Variants in ANKIB1 observed in about 807,000 individuals in gnomAD.
ANKIB1 encodes the protein ankyrin repeat and IBR domain containing 1, also known as ankyrin repeat and IBR domain-containing protein 1.
ANKIB1 carries 43 observed loss-of-function variants against 122.1 expected under a neutral mutation model. That is an observed-to-expected ratio of 0.35 (90% CI 0.28 to 0.45). ANKIB1 has a LOEUF of 0.45. Ranked by LOEUF, ANKIB1 falls within the 20% of genes least tolerant of loss-of-function variation. The pLI, the probability that ANKIB1 is intolerant of heterozygous loss-of-function variation, is 1.00. For missense variants in ANKIB1, 992 were observed against 1,329.5 expected (o/e 0.75, Z 3.95); for synonymous variants, 390 against 442.0 (o/e 0.88, Z 1.48).
intron 1 of ANKIB1, among the ~76,000 whole-genome samples, chr7:92,279,112 G>C (rs752481493): frequency 1.3e-5 from 2 of 152,222 alleles, no homozygotes; most frequent in African/African-American, 2.4e-5. Flanking sequence ...TGTGTGTGCA[G>C]TTCACAATAG....
At chr7:92,369,284 G>A (rs1311921151) in intron 10 of ANKIB1, among the ~76,000 whole-genome samples, 1 of 152,212 alleles carries the variant, frequency 6.6e-6, no homozygotes, top group East Asian at 1.9e-4. Flanking sequence ...CAGAACTGGA[G>A]TAAAGTCTGA....
At chr7:92,319,827 C>T (rs775594031) in intron 4 of ANKIB1, 42 of 227,804 alleles carry the variant, frequency 1.8e-4, no homozygotes, top group Admixed American at 2.9e-4. Context: ...CCTAACTACT[C>T]AGGAGGCTGA....
At chr7:92,348,649 G>A (rs186417806) in intron 7 of ANKIB1, among the ~76,000 whole-genome samples, 22 of 152,270 alleles carry the variant, frequency 1.4e-4, no homozygotes, top group East Asian at 1.2e-3. Context: ...CTCCCAAAGC[G>A]CTAGGATTAT....
At chr7:92,366,955 G>A (rs1393701421) in intron 10 of ANKIB1, among the ~76,000 whole-genome samples, 1 of 152,116 alleles carries the variant, frequency 6.6e-6, no homozygotes, top group Non-Finnish European at 1.5e-5. Context: ...ATTTTGCTAG[G>A]GAAGGGGAAG....
chr7:92,275,731 C>T (rs1801888804), intron 1 of ANKIB1, among the ~76,000 whole-genome samples: 1 of 152,148 alleles, frequency 6.6e-6, no homozygotes, highest in African/African-American at 2.4e-5. Flanking sequence ...TTCTTTCCTC[C>T]ACTTAGCCTA....
At chr7:92,358,982 C>G (rs1003579785) in intron 9 of ANKIB1, among the ~76,000 whole-genome samples, 2 of 152,104 alleles carry the variant, frequency 1.3e-5, no homozygotes, top group Non-Finnish European at 2.9e-5. Flanking sequence ...CTAGCATGTG[C>G]GCCAAATTAA....
intron 1 of ANKIB1, among the ~76,000 whole-genome samples, chr7:92,248,221 A>G (rs1222153138): frequency 2.0e-5 from 3 of 152,056 alleles, no homozygotes; most frequent in African/African-American, 7.2e-5. Flanking sequence ...TTCCTATTTC[A>G]CTGTTCCCTT....
intron 1 of ANKIB1, among the ~76,000 whole-genome samples, chr7:92,258,420 C>T (rs1255436105): frequency 6.6e-6 from 1 of 152,134 alleles, no homozygotes; most frequent in African/African-American, 2.4e-5. Flanking sequence ...ATTGCTGGGC[C>T]TCACCCCCCC....
At chr7:92,351,124 T>A in intron 8 of ANKIB1, 30 bp downstream of exon 8, 1 of 1,428,126 alleles carries the variant, frequency 7.0e-7, no homozygotes, top group Non-Finnish European at 9.2e-7. Context: ...ATCTGTCCAA[T>A]TTCCATAATT....
At chr7:92,324,910 A>G (rs1217966591) in intron 4 of ANKIB1, among the ~76,000 whole-genome samples, 2 of 152,192 alleles carry the variant, frequency 1.3e-5, no homozygotes, top group African/African-American at 2.4e-5. Flanking sequence ...AAGTGACTAC[A>G]CTCTAGGTGT....
At chr7:92,259,847 C>T (rs11977622) in intron 1 of ANKIB1, among the ~76,000 whole-genome samples, 2 of 152,040 alleles carry the variant, frequency 1.3e-5, no homozygotes, top group African/African-American at 4.8e-5. Flanking sequence ...TTTTTGTCTT[C>T]TCTCTCACTT....
In ANKIB1 at chr7:92,250,284, T is replaced by C. The variant is rs368848263; in HGVS notation, c.-91+3765T>C. On this transcript the variant is annotated intron_variant, in intron 1 of 19. Coordinates refer to ENST00000265742, the MANE Select transcript of ANKIB1 (RefSeq NM_019004.2). ...GGCACATGCCTGTAATCCCAGCTACTCGGGAGGCTGAGGCAGGAGAATCGC... is the reference window on the plus strand; with the variant it reads ...GGCACATGCCTGTAATCCCAGCTACCCGGGAGGCTGAGGCAGGAGAATCGC... Among the ~76,000 whole-genome samples, 4 of 152,136 alleles carry C rather than the reference T, an allele frequency of 2.6e-5. 1 individual carries two copies.
chr7:92,341,234 C>T lies in ANKIB1; in HGVS notation c.788-1790C>T, dbSNP rs941321836. Among the ~76,000 whole-genome samples the T allele has an allele frequency of 7.9e-5, 12 of 151,158 alleles. No homozygotes were observed. The East Asian group carries it at 2.0e-3, about 25-fold the overall frequency. ...CTGAGGCACGAGAATCTCTTGAACC[C>T]AGGAGGCAGAGGCTGCAGTGAGCCA... On this transcript the variant is annotated intron_variant, in intron 5 of 19. Transcript: ENST00000265742.
intron 1 of ANKIB1, among the ~76,000 whole-genome samples, chr7:92,257,067 G>GT (rs1445603301): frequency 6.6e-6 from 1 of 152,036 alleles, no homozygotes. Flanking sequence ...GTGCGTGCCT[G>GT]TAATTCTAAC....
At chr7:92,284,498 A>G (rs1446319968) in intron 1 of ANKIB1, among the ~76,000 whole-genome samples, 1 of 152,168 alleles carries the variant, frequency 6.6e-6, no homozygotes, top group East Asian at 1.9e-4. Flanking sequence ...TTTGTTTCCT[A>G]AATCTTTATG....
intron 4 of ANKIB1, among the ~76,000 whole-genome samples, chr7:92,320,672 G>A (rs1328284233): frequency 6.6e-6 from 1 of 152,028 alleles, no homozygotes; most frequent in Non-Finnish European, 1.5e-5. Flanking sequence ...TTCCTAACCT[G>A]TACTCCTACC....
chr7:92,311,305 A>C lies in ANKIB1; in HGVS notation c.486+3649A>C, dbSNP rs181498964. Reference sequence around the variant, plus strand: ...TGATCCTCAGAGTAACTATCCATGGAACCTTGCATGTGTCACTCAGCCACT... The same window carrying C: ...TGATCCTCAGAGTAACTATCCATGGCACCTTGCATGTGTCACTCAGCCACT... On this transcript the variant is annotated intron_variant, in intron 3 of 19. Coordinates refer to ENST00000265742, the MANE Select transcript of ANKIB1 (RefSeq NM_019004.2). 3.0e-3 allele frequency among the ~76,000 whole-genome samples: 457 copies of C among 152,230 alleles called. 1 individual carries two copies. Among genetic ancestry groups the C allele is most frequent in the African/African-American group, 0.01 (433 of 41,548 alleles).
intron 5 of ANKIB1, among the ~76,000 whole-genome samples, chr7:92,333,529 T>C (rs1803222487): frequency 6.6e-6 from 1 of 152,192 alleles, no homozygotes; most frequent in African/African-American, 2.4e-5. Context: ...CTGACCTCCC[T>C]GACTCCGGTT....
At chr7:92,262,582 C>G (rs1661738678) in intron 1 of ANKIB1, among the ~76,000 whole-genome samples, 1 of 152,090 alleles carries the variant, frequency 6.6e-6, no homozygotes, top group African/African-American at 2.4e-5. Context: ...AAGTATATAG[C>G]ATGATCTGGT....
Sources: gnomAD v4.1 joint callset for allele counts (sites outside exome capture counted in the v4.1 genomes callset) on GRCh38, gnomAD v4.1.1 for gene constraint, MANE v1.5 for transcripts, NCBI Gene and HGNC (gene_info 2026-07-23, HGNC 2026-07-21) for gene names.